DNAH9: variants seen among roughly 807,000 people sequenced by gnomAD.
The protein encoded by DNAH9 is dynein axonemal heavy chain 9.
Under a neutral mutation model 471.6 loss-of-function variants are expected in DNAH9, and 345 were observed. That is an observed-to-expected ratio of 0.73 (90% CI 0.67 to 0.80). The LOEUF (loss-of-function observed/expected upper bound fraction) is 0.80, where lower values mean the gene tolerates loss of function less well. Ranked by LOEUF, DNAH9 falls within the 30% of genes least tolerant of loss-of-function variation. DNAH9 has a pLI of 0.00. For missense variants in DNAH9, 5,407 were observed against 5,609.2 expected, an observed-to-expected ratio of 0.96 and a Z score of 1.15; for synonymous variants, 2,093 against 2,123.6, an observed-to-expected ratio of 0.99 and a Z score of 0.40.
rs545708048 is a variant in DNAH9 at position 11,854,371 on chromosome 17, C to T, written c.9876C>T (p.Ala3292=). The part of the protein sequence containing the change: ...VEPKRQALNK[A]TADLTAAQEK... ...CCAAGCGCCAGGCACTGAACAAAGCCACCGCGGACCTCACAGCTGCCCAGG... is the reference window on the plus strand; with the variant it reads ...CCAAGCGCCAGGCACTGAACAAAGCTACCGCGGACCTCACAGCTGCCCAGG... Residue 3292 remains alanine (A), a synonymous_variant, in exon 50 of 69, where the codon GCC becomes GCT. Coordinates refer to ENST00000262442, the MANE Select transcript of DNAH9 (RefSeq NM_001372.4). The T allele has an allele frequency of 1.9e-6, 3 of 1,614,076 alleles. No individual in the cohort carries two copies. The highest frequency in any genetic ancestry group is 2.5e-6 in the Non-Finnish European group (3 of 1,180,008).
intron 49 of DNAH9, among the ~76,000 whole-genome samples, chr17:11,851,385 G>A (rs72815410): frequency 0.067 from 10,127 of 152,058 alleles, 803 homozygotes; most frequent in East Asian, 0.42. Flanking sequence ...CCAAAGTACC[G>A]GGATTACAGG....
chr17:11,719,378 G>A lies in DNAH9; in HGVS notation c.5597G>A (p.Gly1866Glu). 6.2e-7 allele frequency: 1 copy of A among 1,614,018 alleles called. No homozygotes were observed. Among genetic ancestry groups the A allele is most frequent in the South Asian group, 1.1e-5 (1 of 91,076 alleles). ...CAGTCCCTGCACCTGACCATGAGTG[G>A]GGCTCCCGCAGGACCTGCAGGCACA... is the stretch of plus-strand genomic sequence containing the variant. ...LTQSLHLTMS[G>E]APAGPAGTGK... The change falls in exon 27 of 69, where the codon GGG (glycine) becomes GAG (glutamate). Residue 1866 changes from glycine (G) to glutamate (E), a missense_variant. Coordinates refer to ENST00000262442, the MANE Select transcript of DNAH9 (RefSeq NM_001372.4).
In DNAH9 at chr17:11,913,776, C is replaced by T. The variant is rs531817575; in HGVS notation, c.11749+7967C>T. ...CAGCCTGGGCGACAGAGTGAGACCC[C>T]GTCTCAAAAAAAAAAAAAGAAAAGA... On this transcript the variant is annotated intron_variant, in intron 61 of 68. Coordinates refer to ENST00000262442, the MANE Select transcript of DNAH9 (RefSeq NM_001372.4). Among the ~76,000 whole-genome samples, 7 of 148,008 alleles carry T rather than the reference C, an allele frequency of 4.7e-5. No homozygotes were observed. In the East Asian group the frequency reaches 6.1e-4, roughly 13 times the overall value.
chr17:11,719,387 C>T lies in DNAH9; in HGVS notation c.5606C>T (p.Ala1869Val). 4 of 1,614,078 alleles carry T rather than the reference C, an allele frequency of 2.5e-6. No homozygotes were observed. The highest frequency in any genetic ancestry group is 3.4e-6 in the Non-Finnish European group (4 of 1,179,996). Residue 1869 changes from alanine (A) to valine (V), a missense_variant, in exon 27 of 69, where the codon GCA becomes GTA. Physicochemically the swap from Ala to Val is moderately conservative, Grantham distance 64. This residue lies in a region of DNAH9 where 4,636 missense variants were observed against 4,900.3 expected (regional missense o/e 0.95). Transcript: ENST00000262442. ...SLHLTMSGAP[A>V]GPAGTGKTET... ...CACCTGACCATGAGTGGGGCTCCCG[C>T]AGGACCTGCAGGCACAGGCAAGACC...
chr17:11,925,845 G>C (rs934072191), intron 62 of DNAH9, among the ~76,000 whole-genome samples: 2 of 152,038 alleles, frequency 1.3e-5, no homozygotes, highest in East Asian at 1.9e-4. Flanking sequence ...TAAAGCATTG[G>C]AGTATTGAAT....
chr17:11,698,573 C>G (rs7220321), intron 22 of DNAH9, among the ~76,000 whole-genome samples: 23,881 of 151,624 alleles, frequency 0.16, 1,998 homozygotes, highest in Middle Eastern at 0.19. Context: ...TGGGTACCTT[C>G]ACAGTTTACC....
At chr17:11,737,431 G>A (rs568341465) in intron 28 of DNAH9, among the ~76,000 whole-genome samples, 2 of 150,378 alleles carry the variant, frequency 1.3e-5, no homozygotes, top group South Asian at 4.2e-4. Flanking sequence ...CCGACCTGCT[G>A]AGGCTCATTC....
intron 67 of DNAH9, among the ~76,000 whole-genome samples, chr17:11,943,672 G>T (rs559821254): frequency 6.6e-6 from 1 of 151,862 alleles, no homozygotes; most frequent in Non-Finnish European, 1.5e-5. Context: ...GCAAGACTCC[G>T]TCTCAAAAAA....
chr17:11,769,746 G>T (rs781610797), intron 38 of DNAH9, among the ~76,000 whole-genome samples: 7 of 152,206 alleles, frequency 4.6e-5, no homozygotes, highest in African/African-American at 1.7e-4. Context: ...GTAAAAGGAT[G>T]TGATTGCCCA....
chr17:11,936,076 A>C (rs1974703985), intron 65 of DNAH9, among the ~76,000 whole-genome samples: 1 of 152,210 alleles, frequency 6.6e-6, no homozygotes, highest in South Asian at 2.1e-4. Context: ...GCACATTTCC[A>C]AATGACTGAG....
intron 14 of DNAH9, among the ~76,000 whole-genome samples, chr17:11,656,215 C>T (rs907918019): frequency 2.0e-5 from 3 of 152,124 alleles, no homozygotes; most frequent in African/African-American, 7.2e-5. Flanking sequence ...ATCACATCCA[C>T]GCCAACATCT....
intron 27 of DNAH9, among the ~76,000 whole-genome samples, chr17:11,724,320 C>A (rs1278885413): frequency 6.6e-6 from 1 of 152,142 alleles, no homozygotes; most frequent in East Asian, 1.9e-4. Flanking sequence ...TACCCATTAA[C>A]CAACTTCTCT....
intron 67 of DNAH9, among the ~76,000 whole-genome samples, chr17:11,950,361 C>T (rs1469596012): frequency 6.6e-6 from 1 of 152,112 alleles, no homozygotes; most frequent in Non-Finnish European, 1.5e-5. Context: ...AGTTTCACTG[C>T]CCTAAAATTC....
At chr17:11,653,192 C>A (rs527735219) in intron 14 of DNAH9, among the ~76,000 whole-genome samples, 190 bp downstream of exon 14, 1 of 152,336 alleles carries the variant, frequency 6.6e-6, no homozygotes, top group East Asian at 1.9e-4. Flanking sequence ...ATTTTGGTAT[C>A]AATGTGTTGA....
At chr17:11,961,279 C>G (rs1989349) in intron 67 of DNAH9, among the ~76,000 whole-genome samples, 26,493 of 152,114 alleles carry the variant, frequency 0.17, 2,417 homozygotes, top group Admixed American at 0.21. Context: ...TGCACCACTG[C>G]ACTCCAGCCT....
intron 19 of DNAH9, among the ~76,000 whole-genome samples, chr17:11,685,116 C>A (rs1277665606): frequency 6.6e-6 from 1 of 152,062 alleles, no homozygotes; most frequent in East Asian, 1.9e-4. Context: ...GGGACAATTT[C>A]AAAAATGAGC....
At chr17:11,968,618 C>T (rs77975071) in intron 68 of DNAH9, among the ~76,000 whole-genome samples, 1,641 of 152,272 alleles carry the variant, frequency 0.011, 33 homozygotes, top group African/African-American at 0.038. Flanking sequence ...TGTTGTAAAA[C>T]GTCAAGTCCA....
At chr17:11,939,973 C>T (rs1307995262) in intron 66 of DNAH9, among the ~76,000 whole-genome samples, 1 of 152,114 alleles carries the variant, frequency 6.6e-6, no homozygotes, top group East Asian at 1.9e-4. Flanking sequence ...GAGTTATGTA[C>T]ACTGAAGGGC....
intron 39 of DNAH9, among the ~76,000 whole-genome samples, chr17:11,781,908 A>C (rs1488971847): frequency 6.6e-6 from 1 of 151,350 alleles, no homozygotes; most frequent in East Asian, 1.9e-4. Context: ...TTCCAGCCTC[A>C]GTGCCTTCAG....
Sources: allele counts gnomAD v4.1 joint callset (sites outside exome capture counted in the v4.1 genomes callset), GRCh38; gene constraint gnomAD v4.1.1; regional missense constraint gnomAD v4.1.1; transcripts MANE v1.5; gene names NCBI Gene and HGNC (gene_info 2026-07-23, HGNC 2026-07-21).